SGCZ: variants seen among roughly 807,000 people sequenced by gnomAD.
SGCZ encodes the protein sarcoglycan zeta.
SGCZ carries 40 observed loss-of-function variants against 41.3 expected under a neutral mutation model. The observed-to-expected ratio is 0.97, with a 90% confidence interval of 0.75 to 1.26. SGCZ has a LOEUF of 1.26. Ranked by LOEUF, SGCZ falls within the 50% of genes most tolerant of loss-of-function variation. SGCZ has a pLI of 0.00. For missense variants in SGCZ, 552 were observed against 369.8 expected (o/e 1.49, Z -4.04); for synonymous variants, 206 against 137.5 (o/e 1.50, Z -3.49).
chr8:14,863,322 C>G (rs1247873040), intron 1 of SGCZ, among the ~76,000 whole-genome samples: 1 of 152,002 alleles, frequency 6.6e-6, no homozygotes, highest in Non-Finnish European at 1.5e-5. Flanking sequence ...TTTTTAATTA[C>G]TATTATTATT....
At chr8:14,143,910 TGAAACTCAGCTGATGCC>T (rs1321488817) in intron 5 of SGCZ, among the ~76,000 whole-genome samples, 1 of 152,170 alleles carries the variant, frequency 6.6e-6, no homozygotes, top group African/African-American at 2.4e-5. Context: ...TAAAACTGCA[TGAAACTCAGCTGATGCC>T]CATCCACAGG....
intron 2 of SGCZ, among the ~76,000 whole-genome samples, chr8:14,352,268 G>A (rs577968359): frequency 6.6e-6 from 1 of 152,166 alleles, no homozygotes; most frequent in African/African-American, 2.4e-5. Context: ...CAGCTACTGA[G>A]TGAGGAAGGT....
intron 1 of SGCZ, among the ~76,000 whole-genome samples, chr8:14,965,059 G>A (rs1460260471): frequency 6.6e-6 from 1 of 152,058 alleles, no homozygotes; most frequent in Non-Finnish European, 1.5e-5. Context: ...ACTTCTACAT[G>A]CTAAGAGTCA....
chr8:15,042,588 C>G (rs1804145336), intron 1 of SGCZ, among the ~76,000 whole-genome samples: 1 of 152,174 alleles, frequency 6.6e-6, no homozygotes, highest in Non-Finnish European at 1.5e-5. Context: ...CAGATTATTA[C>G]TTGATATGGG....
At chr8:14,726,311 C>CACAT (rs1810050616) in intron 1 of SGCZ, among the ~76,000 whole-genome samples, 2 of 107,674 alleles carry the variant, frequency 1.9e-5, no homozygotes, top group Admixed American at 1.0e-4. Context: ...TGTGTAAATA[C>CACAT]ATATATATAT....
At chr8:14,732,929 C>T (rs10092064) in intron 1 of SGCZ, among the ~76,000 whole-genome samples, 122,072 of 151,762 alleles carry the variant, frequency 0.8, 49,447 homozygotes, top group African/African-American at 0.91. Flanking sequence ...CAAAGTATTA[C>T]CTACAAAATA....
chr8:14,937,978 G>A (rs1456263044), intron 1 of SGCZ, among the ~76,000 whole-genome samples: 1 of 152,098 alleles, frequency 6.6e-6, no homozygotes, highest in Non-Finnish European at 1.5e-5. Flanking sequence ...TATTTGGAAA[G>A]TCAGCTTAAG....
intron 1 of SGCZ, among the ~76,000 whole-genome samples, chr8:15,018,722 T>C (rs1803137233): frequency 1.3e-5 from 2 of 152,188 alleles, no homozygotes; most frequent in South Asian, 4.2e-4. Context: ...CACTGGAAGG[T>C]TGTAGAAAGG....
intron 4 of SGCZ, among the ~76,000 whole-genome samples, chr8:14,188,521 G>T (rs1343892542): frequency 6.6e-6 from 1 of 152,146 alleles, no homozygotes; most frequent in Non-Finnish European, 1.5e-5. Context: ...AGAAAGTAGG[G>T]TAGTAATTGC....
Position 14,807,413 on chromosome 8 carries a change from A to G in SGCZ, c.40-252487T>C, listed in dbSNP as rs537200826. 7.4e-3 allele frequency among the ~76,000 whole-genome samples: 1,120 copies of G among 152,294 alleles called. 11 individuals carry two copies. The highest frequency in any genetic ancestry group is 0.025 in the African/African-American group (1,035 of 41,536). ...GACACAAAATCAATGAGCAAAAATG[A>G]CAGGCATTCTTATACACCAAGAGCA... is the stretch of plus-strand genomic sequence containing the variant. On this transcript the variant is annotated intron_variant, in intron 1 of 7. Transcript: ENST00000382080.
chr8:14,652,353 G>GGGA (rs1554473420), intron 1 of SGCZ, among the ~76,000 whole-genome samples: 4 of 97,006 alleles, frequency 4.1e-5, no homozygotes, highest in Non-Finnish European at 9.0e-5. Context: ...AAAAGGGGGG[G>GGGA]GTGTGGGGGG....
At chr8:14,367,848 T>C (rs1478227913) in intron 2 of SGCZ, among the ~76,000 whole-genome samples, 1 of 152,062 alleles carries the variant, frequency 6.6e-6, no homozygotes, top group Admixed American at 6.6e-5. Context: ...CTTAGCATGC[T>C]TATTATTTTT....
chr8:14,820,121 C>A (rs373838427), intron 1 of SGCZ, among the ~76,000 whole-genome samples: 1 of 151,902 alleles, frequency 6.6e-6, no homozygotes, highest in African/African-American at 2.4e-5. Flanking sequence ...CCTAACTATA[C>A]ATAGCATGCA....
At chr8:15,227,145 T>C (rs1801802891) in intron 1 of SGCZ, among the ~76,000 whole-genome samples, 1 of 152,084 alleles carries the variant, frequency 6.6e-6, no homozygotes, top group Non-Finnish European at 1.5e-5. Flanking sequence ...CCGGGCATCA[T>C]CACCCTGCAA....
intron 1 of SGCZ, among the ~76,000 whole-genome samples, chr8:15,235,912 C>T (rs767014897): frequency 2.0e-5 from 3 of 152,176 alleles, no homozygotes; most frequent in South Asian, 2.1e-4. Context: ...ACCCCTTCTC[C>T]CAAGAGACTG....
At chr8:14,230,780 C>G (rs893086165) in intron 4 of SGCZ, among the ~76,000 whole-genome samples, 3 of 147,480 alleles carry the variant, frequency 2.0e-5, no homozygotes, top group Admixed American at 1.4e-4. Flanking sequence ...GGGGTGGTTA[C>G]TCAAACATCT....
rs575508125 is a variant in SGCZ, at chr8:15,181,833, T to C, written c.39+55752A>G. On this transcript the variant is annotated intron_variant, in intron 1 of 7. Coordinates refer to ENST00000382080, the MANE Select transcript of SGCZ (RefSeq NM_139167.4). ...AATTTATAAGGTGAAGTGTTATATT[T>C]AGATTTAGAGGAAAAAATAACATGA... Among the ~76,000 whole-genome samples, 9 of 152,292 alleles carry C rather than the reference T, an allele frequency of 5.9e-5. No homozygotes were observed. The East Asian group carries it at 1.7e-3, about 29-fold the overall frequency.
At position 14,766,666 on chromosome 8, in the gene SGCZ, A is replaced by G. The variant is rs375365356; in HGVS notation, c.40-211740T>C. On this transcript the variant is annotated intron_variant, in intron 1 of 7. Transcript: ENST00000382080. ...AATTTCCACCTCCCAGGCTCAAGCGATTCTTTCACCGCAGCCTCCCAAGTA... is the reference window on the plus strand; with the variant it reads ...AATTTCCACCTCCCAGGCTCAAGCGGTTCTTTCACCGCAGCCTCCCAAGTA... Among the ~76,000 whole-genome samples, 679 of 150,372 alleles carry G rather than the reference A, an allele frequency of 4.5e-3. 1 individual carries two copies. The highest frequency in any genetic ancestry group is 0.01 in the South Asian group (49 of 4,746).
At chr8:14,982,207 G>A (rs1415818312) in intron 1 of SGCZ, among the ~76,000 whole-genome samples, 3 of 151,650 alleles carry the variant, frequency 2.0e-5, no homozygotes, top group African/African-American at 7.3e-5. Context: ...AATTAAGACT[G>A]AAATGGATCA....
Sources: gnomAD v4.1 joint callset for allele counts (sites outside exome capture counted in the v4.1 genomes callset) on GRCh38, gnomAD v4.1.1 for gene constraint, MANE v1.5 for transcripts, NCBI Gene and HGNC (gene_info 2026-07-23, HGNC 2026-07-21) for gene names.